Variants in RBMS3 observed in about 807,000 individuals in gnomAD.
RBMS3 encodes RNA-binding motif, single-stranded-interacting protein 3.
Under a neutral mutation model 66.8 loss-of-function variants are expected in RBMS3, and 27 were observed. That is an observed-to-expected ratio of 0.40 (90% CI 0.30 to 0.56). The LOEUF (loss-of-function observed/expected upper bound fraction) is 0.56. Among genes scored for constraint, RBMS3 ranks in the 20% least tolerant of loss-of-function variants. RBMS3 has a pLI of 0.40. For synonymous variants in RBMS3, 188 were observed against 183.0 expected, an observed-to-expected ratio of 1.03 and a Z score of -0.22; for missense variants, 513 against 549.5, an observed-to-expected ratio of 0.93 and a Z score of 0.66.
chr3:29,663,692 A>G (rs1356489047), intron 4 of RBMS3, among the ~76,000 whole-genome samples: 1 of 152,180 alleles, frequency 6.6e-6, no homozygotes, highest in East Asian at 1.9e-4. Context: ...TGACTACACC[A>G]TGGCATCACT....
chr3:29,414,917 G>A (rs2040419620), intron 1 of RBMS3, among the ~76,000 whole-genome samples: 1 of 152,086 alleles, frequency 6.6e-6, no homozygotes, highest in South Asian at 2.1e-4. Context: ...CTTTATTGTA[G>A]GTCATTCTAA....
At chr3:29,776,555 T>A (rs2056434503) in intron 6 of RBMS3, among the ~76,000 whole-genome samples, 1 of 152,038 alleles carries the variant, frequency 6.6e-6, no homozygotes. Context: ...TAACAATATC[T>A]CCTTTACAAG....
At chr3:29,989,097 A>C (rs1340694126) in intron 13 of RBMS3, among the ~76,000 whole-genome samples, 1 of 152,192 alleles carries the variant, frequency 6.6e-6, no homozygotes, top group Non-Finnish European at 1.5e-5. Flanking sequence ...TAGGCCATGA[A>C]CCTGCACAGG....
chr3:29,944,927 G>A (rs931534287), intron 12 of RBMS3, among the ~76,000 whole-genome samples: 2 of 151,692 alleles, frequency 1.3e-5, no homozygotes, highest in Non-Finnish European at 3.0e-5. Flanking sequence ...ATTTAGTAGT[G>A]CAGTTTGTAA....
chr3:29,774,779 G>A (rs543070004), intron 6 of RBMS3, among the ~76,000 whole-genome samples: 61 of 152,038 alleles, frequency 4.0e-4, no homozygotes, highest in African/African-American at 1.3e-3. Flanking sequence ...GAATCCAGCT[G>A]TCTTTTATTA....
intron 6 of RBMS3, among the ~76,000 whole-genome samples, chr3:29,796,712 CTTTT>C (rs71295051): frequency 8.7e-6 from 1 of 115,282 alleles, no homozygotes. Context: ...TGAAAGGAAT[CTTTT>C]TTTTTTTTTT....
At chr3:29,781,201 GCCCT>G (rs1224761034) in intron 6 of RBMS3, among the ~76,000 whole-genome samples, 1 of 138,958 alleles carries the variant, frequency 7.2e-6, no homozygotes, top group Admixed American at 8.3e-5. Flanking sequence ...TTGTGGTCAA[GCCCT>G]CCCTCCCACC....
intron 4 of RBMS3, among the ~76,000 whole-genome samples, chr3:29,617,419 T>C (rs2048708841): frequency 6.6e-6 from 1 of 152,148 alleles, no homozygotes; most frequent in Non-Finnish European, 1.5e-5. Context: ...AAAACTAAGC[T>C]GGGGTGATGA....
chr3:29,423,257 ATCT>A (rs2125705464), intron 1 of RBMS3, among the ~76,000 whole-genome samples: 1 of 152,322 alleles, frequency 6.6e-6, no homozygotes, highest in South Asian at 2.1e-4. Flanking sequence ...CCTACAGCTA[ATCT>A]TAATTTCTAT....
chr3:29,744,336 G>A (rs2054778606), intron 5 of RBMS3, among the ~76,000 whole-genome samples: 1 of 151,974 alleles, frequency 6.6e-6, no homozygotes, highest in African/African-American at 2.4e-5. Context: ...TTTAAATATA[G>A]CAATATGCAG....
intron 4 of RBMS3, among the ~76,000 whole-genome samples, chr3:29,730,531 G>T (rs1434443293): frequency 6.6e-6 from 1 of 152,156 alleles, no homozygotes; most frequent in East Asian, 1.9e-4. Context: ...TATTTCAGAA[G>T]TAATTAGTAG....
intron 3 of RBMS3, among the ~76,000 whole-genome samples, chr3:29,515,881 CAT>C (rs2044600671): frequency 6.6e-6 from 1 of 152,328 alleles, no homozygotes; most frequent in East Asian, 1.9e-4. Context: ...CAAACTGTAA[CAT>C]GGTCGTGGGT....
intron 3 of RBMS3, among the ~76,000 whole-genome samples, chr3:29,515,365 C>T (rs1015264853): frequency 3.3e-5 from 5 of 152,004 alleles, no homozygotes; most frequent in Admixed American, 6.6e-5. Flanking sequence ...AATGCAAGCT[C>T]GTCTTATGGT....
At chr3:29,312,454 G>C (rs1275091091) in intron 1 of RBMS3, among the ~76,000 whole-genome samples, 1 of 151,750 alleles carries the variant, frequency 6.6e-6, no homozygotes, top group East Asian at 1.9e-4. Flanking sequence ...TCATAATTCA[G>C]AACTTGAGTT....
At chr3:29,831,061 G>A (rs922028508) in intron 6 of RBMS3, among the ~76,000 whole-genome samples, 2 of 152,076 alleles carry the variant, frequency 1.3e-5, no homozygotes, top group Non-Finnish European at 2.9e-5. Flanking sequence ...AGGGATCTGA[G>A]AAATAAATAT....
intron 1 of RBMS3, among the ~76,000 whole-genome samples, chr3:29,348,414 T>C (rs914872223): frequency 6.6e-6 from 1 of 152,164 alleles, no homozygotes; most frequent in African/African-American, 2.4e-5. Flanking sequence ...AAATGCTACA[T>C]TGTTCATCGA....
chr3:29,449,279 G>GA lies in RBMS3; in HGVS notation c.248+14371dup, dbSNP rs1013464656. 2.6e-5 allele frequency among the ~76,000 whole-genome samples: 4 copies of GA among 152,150 alleles called. No individual in the cohort carries two copies. The East Asian group carries it at 5.8e-4, about 22-fold the overall frequency. On this transcript the variant is annotated intron_variant, in intron 2 of 14. Coordinates refer to ENST00000383767, the MANE Select transcript of RBMS3 (RefSeq NM_001003793.3). ...GAAATAGTGTTATGTCTAGTTTGGG[G>GA]AAAAAAACTCTTCAGCAAAAATGTG... is the stretch of plus-strand genomic sequence containing the variant.
intron 6 of RBMS3, among the ~76,000 whole-genome samples, chr3:29,770,030 G>A (rs994251734): frequency 4.0e-5 from 6 of 151,850 alleles, no homozygotes; most frequent in Non-Finnish European, 8.8e-5. Flanking sequence ...GCTTTTCAAG[G>A]TGTATACTGA....
chr3:29,723,061 C>T (rs770771354), intron 4 of RBMS3, among the ~76,000 whole-genome samples: 7 of 151,970 alleles, frequency 4.6e-5, no homozygotes, highest in Admixed American at 2.0e-4. Context: ...CTGCAACCTC[C>T]GCCTCCCAGG....
Sources: allele counts gnomAD v4.1 joint callset (sites outside exome capture counted in the v4.1 genomes callset), GRCh38; gene constraint gnomAD v4.1.1; transcripts MANE v1.5; gene names NCBI Gene and HGNC (gene_info 2026-07-23, HGNC 2026-07-21).